NBAS: variants seen among roughly 807,000 people sequenced by gnomAD.
The protein encoded by NBAS is NBAS subunit of NRZ tethering complex.
A neutral mutation model predicts 302.5 loss-of-function variants in NBAS; 219 were observed. That is an observed-to-expected ratio of 0.72 (90% confidence interval 0.65 to 0.81). NBAS has a LOEUF of 0.81. Ranked by LOEUF, NBAS falls within the 30% of genes least tolerant of loss-of-function variation. NBAS has a pLI of 0.00. For synonymous variants in NBAS, 1,118 were observed against 1,021.6 expected (o/e 1.09, Z -1.80); for missense variants, 2,932 against 2,841.6 (o/e 1.03, Z -0.72).
chr2:15,104,500 CT>C, the NBAS span, among the ~76,000 whole-genome samples: 58,332 of 147,264 alleles, frequency 0.4, 12,063 homozygotes, highest in African/African-American at 0.55. Flanking sequence ...TTATCTGCTA[CT>C]TTTTTTTTTT....
the NBAS span, among the ~76,000 whole-genome samples, chr2:15,160,663 C>T: frequency 5.9e-5 from 9 of 151,764 alleles, no homozygotes; most frequent in Non-Finnish European, 1.3e-4. Context: ...TGATTGCCTG[C>T]ACCCCACAAG....
chr2:15,199,260 G>A lies in NBAS; in HGVS notation c.6433-8857C>T, dbSNP rs1156678922. Reference sequence around the variant, plus strand: ...CCTAAGATCACAAATCACAAAAGATGAAGCAAATGGGTCTCAGAGGCTTAC... The same window carrying A: ...CCTAAGATCACAAATCACAAAAGATAAAGCAAATGGGTCTCAGAGGCTTAC... On this transcript the variant is annotated intron_variant, in intron 48 of 51. Coordinates refer to ENST00000281513, the MANE Select transcript of NBAS (RefSeq NM_015909.4). Among the ~76,000 whole-genome samples, 7 of 151,964 alleles carry A rather than the reference G, an allele frequency of 4.6e-5. No homozygotes were observed. In the South Asian group the frequency reaches 1.0e-3, roughly 23 times the overall value.
the NBAS span, among the ~76,000 whole-genome samples, chr2:14,966,756 C>T: frequency 1.3e-5 from 2 of 152,182 alleles, no homozygotes; most frequent in Admixed American, 6.5e-5. Flanking sequence ...GGGCTGTCCA[C>T]TCTCGCCGTT....
intron 25 of NBAS, among the ~76,000 whole-genome samples, chr2:15,404,466 C>T (rs1373145340): frequency 6.6e-6 from 1 of 151,882 alleles, no homozygotes; most frequent in African/African-American, 2.4e-5. Context: ...CTCCCCACTT[C>T]CTATCTTTCC....
chr2:15,478,312 C>T lies in NBAS; in HGVS notation c.1084-23G>A, dbSNP rs748074435. ...TGGCTAAATATGAAAATAATGACTTCCTGAGTGAACTATGTAAGAAAATTA... is the reference window on the plus strand; with the variant it reads ...TGGCTAAATATGAAAATAATGACTTTCTGAGTGAACTATGTAAGAAAATTA... On this transcript the variant is annotated intron_variant, in intron 12 of 51. Transcript: ENST00000281513. 5 of 1,549,336 alleles carry T rather than the reference C, an allele frequency of 3.2e-6. No homozygotes were observed. The African/African-American group carries it at 4.1e-5, about 13-fold the overall frequency.
intron 35 of NBAS, among the ~76,000 whole-genome samples, chr2:15,333,755 G>A (rs1672453303): frequency 6.7e-6 from 1 of 150,044 alleles, no homozygotes; most frequent in African/African-American, 2.5e-5. Flanking sequence ...TGGAGATCTG[G>A]GAGAAAGAAA....
chr2:15,161,364 G>A, the NBAS span, among the ~76,000 whole-genome samples: 12 of 152,164 alleles, frequency 7.9e-5, no homozygotes, highest in Non-Finnish European at 1.8e-4. Context: ...CAAAGGTGAT[G>A]TAAAAAAACG....
At chr2:14,904,885 T>C in the NBAS span, among the ~76,000 whole-genome samples, 1 of 134,642 alleles carries the variant, frequency 7.4e-6, no homozygotes. Flanking sequence ...CTGTCTCTAC[T>C]AAAAATACAA....
At chr2:15,267,061 CCAAAT>C (rs1465557969) in intron 44 of NBAS, among the ~76,000 whole-genome samples, 1 of 152,142 alleles carries the variant, frequency 6.6e-6, no homozygotes, top group Non-Finnish European at 1.5e-5. Context: ...TTAATATATA[CCAAAT>C]CAAACTATAC....
At chr2:15,125,785 T>C in the NBAS span, among the ~76,000 whole-genome samples, 1 of 152,178 alleles carries the variant, frequency 6.6e-6, no homozygotes, top group African/African-American at 2.4e-5. Context: ...AAGTAAGTAA[T>C]TTGGTTTTGA....
chr2:15,155,151 C>T, the NBAS span, among the ~76,000 whole-genome samples: 1 of 152,178 alleles, frequency 6.6e-6, no homozygotes, highest in Admixed American at 6.5e-5. Flanking sequence ...AAGTCCTTAG[C>T]ATCTCTGGGC....
intron 9 of NBAS, among the ~76,000 whole-genome samples, chr2:15,527,473 T>C (rs1662966318): frequency 6.6e-6 from 1 of 152,188 alleles, no homozygotes; most frequent in South Asian, 2.1e-4. Flanking sequence ...GGTTGTCTGG[T>C]GGGAGCTGCT....
intron 12 of NBAS, among the ~76,000 whole-genome samples, chr2:15,479,749 CT>C (rs1680345646): frequency 6.6e-6 from 1 of 152,198 alleles, no homozygotes; most frequent in Admixed American, 6.5e-5. Flanking sequence ...GGACTAGACT[CT>C]TCCCTGCACA....
chr2:15,459,184 C>T (rs2148555865), intron 21 of NBAS, among the ~76,000 whole-genome samples: 1 of 152,234 alleles, frequency 6.6e-6, no homozygotes, highest in South Asian at 2.1e-4. Context: ...ATAAATGCAT[C>T]CAAATCTGAG....
chr2:15,098,005 T>TA, the NBAS span, among the ~76,000 whole-genome samples: 1 of 98,376 alleles, frequency 1.0e-5, no homozygotes, highest in African/African-American at 4.2e-5. Flanking sequence ...GTATATAATA[T>TA]ATATATTATA....
chr2:15,304,004 G>T (rs777291990), intron 40 of NBAS, among the ~76,000 whole-genome samples: 16 of 152,166 alleles, frequency 1.1e-4, no homozygotes, highest in Non-Finnish European at 2.2e-4. Context: ...CAACACCAAG[G>T]CTCAGAAGCA....
rs531543963 is a variant in NBAS, at chr2:15,192,451, A to G, written c.6433-2048T>C. Among the ~76,000 whole-genome samples, 17 of 152,244 alleles carry G rather than the reference A, an allele frequency of 1.1e-4. No homozygotes were observed. The South Asian group carries it at 2.5e-3, about 22-fold the overall frequency. On this transcript the variant is annotated intron_variant, in intron 48 of 51. Coordinates refer to ENST00000281513, the MANE Select transcript of NBAS (RefSeq NM_015909.4). ...TTGCCATAAATTTGTGGCTGGTTTC[A>G]TTATTAGAGATTAATGTAAGATTTA...
intron 23 of NBAS, among the ~76,000 whole-genome samples, chr2:15,422,455 T>G (rs1040265209): frequency 6.6e-6 from 1 of 152,048 alleles, no homozygotes; most frequent in Non-Finnish European, 1.5e-5. Context: ...GGGGGAGCAA[T>G]ATGGGACTCT....
At chr2:15,441,146 A>G (rs1678374813) in intron 21 of NBAS, among the ~76,000 whole-genome samples, 1 of 152,206 alleles carries the variant, frequency 6.6e-6, no homozygotes, top group African/African-American at 2.4e-5. Flanking sequence ...GATTCAGGAA[A>G]TACAGAGAAT....
Sources: allele counts gnomAD v4.1 joint callset (sites outside exome capture counted in the v4.1 genomes callset), GRCh38; gene constraint gnomAD v4.1.1; transcripts MANE v1.5; gene names NCBI Gene and HGNC (gene_info 2026-07-23, HGNC 2026-07-21).